DDX4: variants seen among roughly 807,000 people sequenced by gnomAD.
DDX4 encodes the protein probable ATP-dependent RNA helicase DDX4.
In DDX4, 25 loss-of-function variants were observed where a neutral mutation model predicts 100.0. The observed-to-expected ratio is 0.25, with a 90% CI of 0.18 to 0.35. The LOEUF is 0.35. DDX4 is among the 10% of genes least tolerant of loss of function. The pLI is 1.00. For missense variants in DDX4, 635 were observed against 882.4 expected (o/e 0.72, Z 3.55); for synonymous variants, 259 against 275.7 (o/e 0.94, Z 0.60).
At position 55,779,833 on chromosome 5, in the gene DDX4, T is replaced by C. The variant is rs940696939; in HGVS notation, c.395-131T>C. 2.3e-5 allele frequency: 31 copies of C among 1,351,776 alleles called. No individual in the cohort carries two copies. The African/African-American group carries it at 3.5e-4, about 15-fold the overall frequency. The allele number at this position is 1,351,776 out of a possible 1,614,324, so 83.7% of individuals were successfully genotyped here. On this transcript the variant is annotated intron_variant, in intron 7 of 21. Transcript: ENST00000505374. ...TAATAGGTCAAAATGTCATTTCTTT[T>C]TGACAACAATGCCTTTAAACACTTG... is the stretch of plus-strand genomic sequence containing the variant.
chr5:55,777,467 T>C (rs1187160814), intron 7 of DDX4: 1 of 151,914 alleles, frequency 6.6e-6, no homozygotes, highest in Non-Finnish European at 1.5e-5. Context: ...AATTAGAAAA[T>C]AGGCTATGGC....
In DDX4 at chr5:55,767,768, CTT is replaced by C. The variant is rs1741013086; in HGVS notation, c.335-112_335-111del. 5.7e-5 allele frequency: 39 copies of C among 680,686 alleles called. No individual in the cohort carries two copies. The South Asian group carries it at 1.0e-3, about 18-fold the overall frequency. The allele number at this position is 680,686 out of a possible 1,614,324, so 42.2% of individuals were successfully genotyped here. On this transcript the variant is annotated intron_variant, in intron 6 of 21. Transcript: ENST00000505374. ...TTGAAGAAATATGTTTATATTTTAACTTATGAAAATATTTTGTCTTCTTACTA... is the reference window on the plus strand; with the variant it reads ...TTGAAGAAATATGTTTATATTTTAACATGAAAATATTTTGTCTTCTTACTA...
chr5:55,759,082 T>G (rs993589216), intron 3 of DDX4, among the ~76,000 whole-genome samples: 8 of 151,716 alleles, frequency 5.3e-5, no homozygotes, highest in Non-Finnish European at 1.0e-4. Context: ...GTAGAGATAC[T>G]GTCTTGCTAT....
chr5:55,801,785 A>G (rs1743329146), intron 18 of DDX4, among the ~76,000 whole-genome samples: 1 of 152,198 alleles, frequency 6.6e-6, no homozygotes, highest in Admixed American at 6.5e-5. Flanking sequence ...TTCATAAGGA[A>G]TGTCAGATTG....
At chr5:55,807,952 C>T (rs1037321922) in intron 18 of DDX4, among the ~76,000 whole-genome samples, 2 of 152,234 alleles carry the variant, frequency 1.3e-5, no homozygotes, top group Admixed American at 6.5e-5. Context: ...CTTTCAGGTA[C>T]ACCAATCAGA....
In DDX4 at chr5:55,786,669, C is replaced by A; in HGVS notation, c.1016C>A (p.Thr339Asn). The change falls in exon 14 of 22, where the codon ACT becomes AAT. Residue 339 changes from threonine to asparagine, a missense_variant and splice_region_variant. Around this residue, in one of 4 missense-constraint regions of DDX4, gnomAD observed 446 missense variants for 540.8 expected, o/e 0.82. Transcript: ENST00000505374. ...MACAQTGSGK[T>N]AAFLLPILAH... ...TGCGCTCAAACAGGGTCTGGGAAGA[C>A]TGTAAGTCTTTCCCCACATGTCCAA... is the stretch of plus-strand genomic sequence containing the variant. The A allele has an allele frequency of 6.2e-7, 1 of 1,611,918 alleles. No individual in the cohort carries two copies. The highest frequency in any genetic ancestry group is 8.5e-7 in the Non-Finnish European group (1 of 1,178,538).
intron 4 of DDX4, among the ~76,000 whole-genome samples, chr5:55,760,565 A>G (rs1740467221): frequency 6.6e-6 from 1 of 152,120 alleles, no homozygotes. Context: ...TGTTTGTGAT[A>G]TTGATTTCCA....
At chr5:55,815,500 C>G in intron 21 of DDX4, 77 bp downstream of exon 21, 1 of 1,481,378 alleles carries the variant, frequency 6.8e-7, no homozygotes. Flanking sequence ...TGTGAAGTAA[C>G]TATAATATTT....
chr5:55,746,281 G>A, intron 3 of DDX4, 60 bp downstream of exon 3: 1 of 1,460,314 alleles, frequency 6.8e-7, no homozygotes, highest in Non-Finnish European at 9.4e-7. Flanking sequence ...TCTAGTGAAT[G>A]AAGAGCAGCA....
Position 55,782,512 on chromosome 5 carries a change from C to T in DDX4, c.625+531C>T, listed in dbSNP as rs184902449. On this transcript the variant is annotated intron_variant, in intron 10 of 21. Coordinates refer to ENST00000505374, the MANE Select transcript of DDX4 (RefSeq NM_024415.3). ...ACTCAGGAGGCTAAGGCAGGAGAATCGCTTGAATCCGGGAGGCGGAGGTTG... is the reference window on the plus strand; with the variant it reads ...ACTCAGGAGGCTAAGGCAGGAGAATTGCTTGAATCCGGGAGGCGGAGGTTG... 7.4e-4 allele frequency among the ~76,000 whole-genome samples: 112 copies of T among 151,816 alleles called. No individual in the cohort carries two copies. In the East Asian group the frequency reaches 0.015, roughly 20 times the overall value.
intron 17 of DDX4, among the ~76,000 whole-genome samples, chr5:55,793,052 GTGTT>G (rs748438253): frequency 1.2e-4 from 17 of 146,190 alleles, no homozygotes; most frequent in Admixed American, 2.2e-4. Flanking sequence ...GTGTGTGTGT[GTGTT>G]TGTGTGTGTT....
rs753340516 is a variant in DDX4 at position 55,816,495 on chromosome 5, T to C, written c.2130T>C (p.Ser710=). ...GCACTTTGAACACAGCTGGGTTTTC[T>C]TCTTCACAAGCTCCCAATCCAGTAG... The part of the protein sequence containing the change: ...GKSTLNTAGF[S]SSQAPNPVDD... The change falls in exon 22 of 22, where the codon TCT becomes TCC. Residue 710 remains serine, a synonymous_variant. Coordinates refer to ENST00000505374, the MANE Select transcript of DDX4 (RefSeq NM_024415.3). The C allele has an allele frequency of 2.5e-6, 4 of 1,613,080 alleles. No homozygotes were observed. The highest frequency in any genetic ancestry group is 1.3e-5 in the African/African-American group (1 of 75,018).
chr5:55,742,979 C>G (rs989368724), intron 2 of DDX4, among the ~76,000 whole-genome samples: 89 of 152,174 alleles, frequency 5.8e-4, no homozygotes, highest in African/African-American at 2.0e-3. Context: ...ACATCAGGTG[C>G]AAAGGTTCTC....
At chr5:55,785,573 T>G in intron 12 of DDX4, 79 bp downstream of exon 12, 1 of 1,359,042 alleles carries the variant, frequency 7.4e-7, no homozygotes, top group Non-Finnish European at 1.0e-6. Flanking sequence ...AAAAACAAAG[T>G]TATCTTTTAA....
At chr5:55,785,917 C>T (rs1344145181) in intron 13 of DDX4, 46 bp downstream of exon 13, 1 of 1,388,812 alleles carries the variant, frequency 7.2e-7, no homozygotes, top group Non-Finnish European at 1.0e-6. Flanking sequence ...GCACACTTTG[C>T]CTTTAAAATA....
chr5:55,805,547 T>C (rs1485435280), intron 18 of DDX4, among the ~76,000 whole-genome samples: 3 of 152,182 alleles, frequency 2.0e-5, no homozygotes, highest in Non-Finnish European at 4.4e-5. Flanking sequence ...TTGTTGAATT[T>C]TGTCAAAGGC....
At chr5:55,801,858 C>A (rs987179934) in intron 18 of DDX4, among the ~76,000 whole-genome samples, 1 of 152,176 alleles carries the variant, frequency 6.6e-6, no homozygotes, top group African/African-American at 2.4e-5. Context: ...CAGAAACTCT[C>A]TCTACTAGGT....
chr5:55,784,244 G>A (rs2112005308), intron 10 of DDX4, among the ~76,000 whole-genome samples: 1 of 152,224 alleles, frequency 6.6e-6, no homozygotes, highest in Middle Eastern at 3.4e-3. Context: ...GAGTCCAAAG[G>A]CCAGAGAACC....
At chr5:55,758,159 G>C (rs1320558613) in intron 3 of DDX4, among the ~76,000 whole-genome samples, 1 of 152,140 alleles carries the variant, frequency 6.6e-6, no homozygotes, top group Non-Finnish European at 1.5e-5. Context: ...GTCATGAAAG[G>C]TGTTAAATTA....
Sources: allele counts gnomAD v4.1 joint callset (sites outside exome capture counted in the v4.1 genomes callset), GRCh38; gene constraint gnomAD v4.1.1; regional missense constraint gnomAD v4.1.1; transcripts MANE v1.5; gene names NCBI Gene and HGNC (gene_info 2026-07-23, HGNC 2026-07-21).